The following HS3ST4 variants were observed in gnomAD, a reference collection of about 807,000 sequenced individuals.
HS3ST4 encodes the protein heparan sulfate glucosamine 3-O-sulfotransferase 4.
A neutral mutation model predicts 29.2 loss-of-function variants in HS3ST4; 17 were observed. The observed-to-expected ratio is 0.58, with a 90% CI of 0.40 to 0.87. The LOEUF (loss-of-function observed/expected upper bound fraction) is 0.87, where lower values mean the gene tolerates loss of function less well. HS3ST4 is among the 40% of genes least tolerant of loss of function. The pLI is 0.00. For missense variants in HS3ST4, 627 were observed against 634.5 expected, an observed-to-expected ratio of 0.99 and a Z score of 0.13; for synonymous variants, 314 against 285.7, an observed-to-expected ratio of 1.10 and a Z score of -1.00.
At chr16:25,943,804 G>A (rs554191508) in intron 1 of HS3ST4, among the ~76,000 whole-genome samples, 33 of 152,176 alleles carry the variant, frequency 2.2e-4, no homozygotes, top group African/African-American at 7.7e-4. Context: ...TCACAACAAC[G>A]TGGTGAGATT....
chr16:25,988,282 G>T (rs1048930556), intron 1 of HS3ST4, among the ~76,000 whole-genome samples: 1 of 152,126 alleles, frequency 6.6e-6, no homozygotes, highest in Non-Finnish European at 1.5e-5. Context: ...AAACATCTCC[G>T]GCTTCCTCCC....
chr16:25,943,521 A>G (rs946704263), intron 1 of HS3ST4, among the ~76,000 whole-genome samples: 1 of 152,194 alleles, frequency 6.6e-6, no homozygotes, highest in African/African-American at 2.4e-5. Flanking sequence ...TGTCTGTTCT[A>G]TTACTGAAAT....
intron 1 of HS3ST4, among the ~76,000 whole-genome samples, chr16:25,831,407 AC>A (rs1967297861): frequency 2.1e-5 from 3 of 140,856 alleles, no homozygotes; most frequent in African/African-American, 8.1e-5. Flanking sequence ...ACACACACAC[AC>A]ACACACACAC....
chr16:25,696,001 C>T (rs1328636463), intron 1 of HS3ST4, among the ~76,000 whole-genome samples: 1 of 152,184 alleles, frequency 6.6e-6, no homozygotes, highest in Non-Finnish European at 1.5e-5. Context: ...CTCAGTGTCA[C>T]TCCAGTTATC....
rs117407903 is a variant in HS3ST4, at chr16:25,836,845, A to G, written c.734+143694A>G. Among the ~76,000 whole-genome samples the G allele has an allele frequency of 3.9e-3, 599 of 152,358 alleles. 3 individuals carry two copies. Among genetic ancestry groups the G allele is most frequent in the Non-Finnish European group, 6.3e-3 (428 of 68,040 alleles). ...GGTAGCAAGAATTCATATTAAAGGAAGCCTACACAATTTATAGTTAAGGTG... is the reference window on the plus strand; with the variant it reads ...GGTAGCAAGAATTCATATTAAAGGAGGCCTACACAATTTATAGTTAAGGTG... On this transcript the variant is annotated intron_variant, in intron 1 of 1. Coordinates refer to ENST00000331351, the MANE Select transcript of HS3ST4 (RefSeq NM_006040.3).
intron 1 of HS3ST4, among the ~76,000 whole-genome samples, chr16:25,838,629 GCT>G (rs1260183746): frequency 3.3e-5 from 5 of 152,024 alleles, no homozygotes; most frequent in Non-Finnish European, 7.4e-5. Context: ...TATTTCTCAC[GCT>G]CTGTCTTTAG....
intron 1 of HS3ST4, among the ~76,000 whole-genome samples, chr16:26,096,394 C>T (rs974371870): frequency 6.6e-6 from 1 of 152,170 alleles, no homozygotes. Context: ...AGCTTACCCA[C>T]CACGATCAGG....
At chr16:25,982,557 G>A (rs780659348) in intron 1 of HS3ST4, among the ~76,000 whole-genome samples, 1 of 152,152 alleles carries the variant, frequency 6.6e-6, no homozygotes, top group African/African-American at 2.4e-5. Flanking sequence ...TGTCAGGCAC[G>A]GTGGCTTAGG....
chr16:25,851,785 G>A (rs1319847549), intron 1 of HS3ST4, among the ~76,000 whole-genome samples: 1 of 152,092 alleles, frequency 6.6e-6, no homozygotes, highest in Non-Finnish European at 1.5e-5. Flanking sequence ...ATTCATCCTA[G>A]GTTGACACTA....
intron 1 of HS3ST4, among the ~76,000 whole-genome samples, chr16:25,714,700 A>G (rs1966440137): frequency 1.3e-5 from 2 of 152,122 alleles, no homozygotes; most frequent in South Asian, 2.1e-4. Flanking sequence ...TTTTCTTGTC[A>G]TGAGATGGTG....
chr16:25,869,215 G>A (rs769043849), intron 1 of HS3ST4, among the ~76,000 whole-genome samples: 22 of 152,188 alleles, frequency 1.4e-4, no homozygotes, highest in Middle Eastern at 3.4e-3. Flanking sequence ...TTTGCTCTCC[G>A]TGGAGAAACA....
At chr16:25,716,125 C>T (rs1391200153) in intron 1 of HS3ST4, among the ~76,000 whole-genome samples, 1 of 152,200 alleles carries the variant, frequency 6.6e-6, no homozygotes, top group East Asian at 1.9e-4. Flanking sequence ...GTGTCGCTTA[C>T]TGCAACAAGA....
intron 1 of HS3ST4, among the ~76,000 whole-genome samples, chr16:25,860,472 G>T (rs1046361946): frequency 7.2e-5 from 11 of 152,148 alleles, no homozygotes; most frequent in African/African-American, 2.2e-4. Context: ...CCCTTCAGTA[G>T]TTTTGGATAC....
At chr16:25,984,101 G>T (rs1490076803) in intron 1 of HS3ST4, among the ~76,000 whole-genome samples, 1 of 152,046 alleles carries the variant, frequency 6.6e-6, no homozygotes, top group Admixed American at 6.6e-5. Context: ...TTGTAGCTAT[G>T]TGAAATGATG....
chr16:25,902,925 C>G (rs1057507304), intron 1 of HS3ST4, among the ~76,000 whole-genome samples: 4 of 151,754 alleles, frequency 2.6e-5, no homozygotes, highest in African/African-American at 7.3e-5. Context: ...TGGTGAGACC[C>G]TGTCCATACA....
chr16:26,046,085 C>G (rs959901628), intron 1 of HS3ST4, among the ~76,000 whole-genome samples: 1 of 151,858 alleles, frequency 6.6e-6, no homozygotes. Context: ...ATTTCTATAG[C>G]CTTCTTTCTT....
At chr16:26,098,683 T>G (rs1372983468) in intron 1 of HS3ST4, among the ~76,000 whole-genome samples, 1 of 151,982 alleles carries the variant, frequency 6.6e-6, no homozygotes, top group Non-Finnish European at 1.5e-5. Context: ...TGTTTACCTA[T>G]GTATCAAACC....
chr16:25,758,375 A>G (rs1382409125), intron 1 of HS3ST4, among the ~76,000 whole-genome samples: 1 of 152,170 alleles, frequency 6.6e-6, no homozygotes, highest in African/African-American at 2.4e-5. Context: ...TCAAATTGCC[A>G]TAGCTTTGTA....
At chr16:26,012,400 G>A (rs1163210354) in intron 1 of HS3ST4, among the ~76,000 whole-genome samples, 1 of 152,208 alleles carries the variant, frequency 6.6e-6, no homozygotes, top group East Asian at 1.9e-4. Flanking sequence ...GATTTAGGCA[G>A]CTGAGAAGAC....
Sources: allele counts gnomAD v4.1 joint callset (sites outside exome capture counted in the v4.1 genomes callset), GRCh38; gene constraint gnomAD v4.1.1; transcripts MANE v1.5; gene names NCBI Gene and HGNC (gene_info 2026-07-23, HGNC 2026-07-21).